GMDS: variants seen among roughly 807,000 people sequenced by gnomAD.
GMDS encodes the protein GDP-mannose 4,6-dehydratase.
In GMDS, 20 loss-of-function variants were observed where a neutral mutation model predicts 49.9. That is an observed-to-expected ratio of 0.40 (90% CI 0.28 to 0.58). GMDS has a LOEUF of 0.58. Ranked by LOEUF, GMDS falls within the 20% of genes least tolerant of loss-of-function variation. The pLI is 0.42. For missense variants in GMDS, 362 were observed against 481.4 expected (o/e 0.75, Z 2.32); for synonymous variants, 177 against 178.6 (o/e 0.99, Z 0.07).
At chr6:2,212,011 T>C (rs760952001) in intron 1 of GMDS, among the ~76,000 whole-genome samples, 2 of 152,202 alleles carry the variant, frequency 1.3e-5, no homozygotes, top group Non-Finnish European at 2.9e-5. Context: ...TAATTACAGT[T>C]CATTCAAGTA....
At chr6:1,846,859 A>G (rs1250428174) in intron 7 of GMDS, among the ~76,000 whole-genome samples, 2 of 152,206 alleles carry the variant, frequency 1.3e-5, no homozygotes, top group Non-Finnish European at 2.9e-5. Flanking sequence ...GATGTATCAA[A>G]TATATCACTG....
At chr6:1,929,967 C>T in intron 7 of GMDS, 136 bp downstream of exon 7, 1 of 715,342 alleles carries the variant, frequency 1.4e-6, no homozygotes, top group Non-Finnish European at 2.3e-6. Context: ...GTGAAAGCAG[C>T]ATGAGTGTAA....
At chr6:1,990,669 G>A (rs1392070390) in intron 4 of GMDS, among the ~76,000 whole-genome samples, 2 of 151,956 alleles carry the variant, frequency 1.3e-5, no homozygotes, top group African/African-American at 4.8e-5. Context: ...CCGCCTCCCA[G>A]GCTAAAGCAA....
At chr6:1,947,107 T>G (rs904622032) in intron 6 of GMDS, among the ~76,000 whole-genome samples, 7 of 152,188 alleles carry the variant, frequency 4.6e-5, no homozygotes, top group Non-Finnish European at 8.8e-5. Flanking sequence ...TTCAGTTCCC[T>G]GTCTTAATAT....
intron 9 of GMDS, among the ~76,000 whole-genome samples, chr6:1,697,843 T>C (rs979783087): frequency 6.6e-6 from 1 of 152,240 alleles, no homozygotes; most frequent in African/African-American, 2.4e-5. Flanking sequence ...TCCTTTGTCA[T>C]GATCCCTCCA....
chr6:2,073,191 G>C (rs1295889204), intron 4 of GMDS, among the ~76,000 whole-genome samples: 1 of 152,176 alleles, frequency 6.6e-6, no homozygotes, highest in Non-Finnish European at 1.5e-5. Flanking sequence ...CTGGGCCCCG[G>C]AGAGGCACCT....
intron 7 of GMDS, among the ~76,000 whole-genome samples, chr6:1,763,744 C>T (rs1371161684): frequency 3.9e-5 from 6 of 152,216 alleles, no homozygotes; most frequent in African/African-American, 1.4e-4. Flanking sequence ...ATCTAGAAAG[C>T]GGAAGAACCA....
At chr6:1,704,569 C>G (rs1765658871) in intron 9 of GMDS, among the ~76,000 whole-genome samples, 1 of 152,204 alleles carries the variant, frequency 6.6e-6, no homozygotes. Context: ...AGGGCCAGGA[C>G]AGGTGGATGC....
intron 7 of GMDS, among the ~76,000 whole-genome samples, chr6:1,756,682 A>G (rs529431037): frequency 5.9e-5 from 9 of 152,348 alleles, no homozygotes; most frequent in African/African-American, 1.7e-4. Flanking sequence ...TGACTGGGGC[A>G]GTGGGGCCAA....
At chr6:1,691,900 A>G (rs537722231) in intron 9 of GMDS, among the ~76,000 whole-genome samples, 1 of 152,226 alleles carries the variant, frequency 6.6e-6, no homozygotes, top group Non-Finnish European at 1.5e-5. Context: ...ACTGAATGTC[A>G]ACTTGACTGG....
At chr6:2,040,435 T>G (rs1387616831) in intron 4 of GMDS, among the ~76,000 whole-genome samples, 1 of 152,168 alleles carries the variant, frequency 6.6e-6, no homozygotes, top group Admixed American at 6.5e-5. Flanking sequence ...ATCCAGAACA[T>G]GGGTTAGGAA....
intron 4 of GMDS, among the ~76,000 whole-genome samples, chr6:2,060,892 C>T (rs1009259014): frequency 6.6e-6 from 1 of 151,696 alleles, no homozygotes; most frequent in African/African-American, 2.4e-5. Context: ...TAGTGGCAGG[C>T]GCCTTTAATC....
intron 1 of GMDS, among the ~76,000 whole-genome samples, chr6:2,241,528 T>C (rs12209836): frequency 1.3e-5 from 2 of 152,062 alleles, no homozygotes; most frequent in African/African-American, 4.8e-5. Context: ...TGGGAACTAA[T>C]AGGAGGTGTT....
chr6:1,946,288 G>A (rs1431123490), intron 6 of GMDS, among the ~76,000 whole-genome samples: 1 of 152,168 alleles, frequency 6.6e-6, no homozygotes, highest in African/African-American at 2.4e-5. Context: ...ACAAGGTAAT[G>A]GACAGTCACA....
At chr6:1,671,111 A>G (rs972116957) in intron 9 of GMDS, among the ~76,000 whole-genome samples, 46 of 152,270 alleles carry the variant, frequency 3.0e-4, no homozygotes, top group African/African-American at 1.1e-3. Context: ...TCCCCTGCAA[A>G]CCACAGTAAC....
chr6:1,954,983 C>G (rs991154365), intron 6 of GMDS, among the ~76,000 whole-genome samples: 2 of 151,970 alleles, frequency 1.3e-5, no homozygotes, highest in Non-Finnish European at 2.9e-5. Context: ...AACCAAAGAT[C>G]ACTGATCACA....
At chr6:2,101,225 TA>T (rs1490879561) in intron 4 of GMDS, among the ~76,000 whole-genome samples, 4 of 151,848 alleles carry the variant, frequency 2.6e-5, no homozygotes, top group African/African-American at 9.6e-5. Flanking sequence ...CTGTTGTAGT[TA>T]AAACACATCT....
intron 7 of GMDS, among the ~76,000 whole-genome samples, chr6:1,886,319 G>A (rs1759604318): frequency 1.3e-5 from 2 of 152,074 alleles, no homozygotes; most frequent in Admixed American, 1.3e-4. Context: ...AAATGAGAAT[G>A]ACCAGAAATG....
At position 1,789,532 on chromosome 6, in the gene GMDS, C is replaced by CTT. The variant is rs59996305; in HGVS notation, c.772-46948_772-46947dup. Among the ~76,000 whole-genome samples the CTT allele has an allele frequency of 1.3e-3, 177 of 141,314 alleles. 1 individual carries two copies. Among genetic ancestry groups the CTT allele is most frequent in the African/African-American group, 4.4e-3 (174 of 39,192 alleles). The allele number at this position is 141,314 out of a possible 152,430, so 92.7% of individuals were successfully genotyped here. A position where few individuals can be genotyped will look rare whatever the true frequency, so the allele number is the denominator to read the frequency against. On this transcript the variant is annotated intron_variant, in intron 7 of 10. Coordinates refer to ENST00000380815, the MANE Select transcript of GMDS (RefSeq NM_001500.4). The stretch of plus-strand genomic sequence containing the variant: ...AAATTATTTTTTCTTTTTCTTTTTT[C>CTT]TTTTTTTTTTTTTTTTTTTTCCTGA...
Sources: gnomAD v4.1 joint callset for allele counts (sites outside exome capture counted in the v4.1 genomes callset) on GRCh38, gnomAD v4.1.1 for gene constraint, MANE v1.5 for transcripts, NCBI Gene and HGNC (gene_info 2026-07-23, HGNC 2026-07-21) for gene names.